Variants in TCF12 observed in about 807,000 individuals in gnomAD.
The protein encoded by TCF12 is DNA-binding protein HTF4.
A neutral mutation model predicts 86.0 loss-of-function variants in TCF12; 45 were observed. That is an observed-to-expected ratio of 0.52 (90% CI 0.41 to 0.67). The LOEUF (loss-of-function observed/expected upper bound fraction) is 0.67. Ranked by LOEUF, TCF12 falls within the 30% of genes least tolerant of loss-of-function variation. The pLI is 0.00. For missense variants in TCF12, 881 were observed against 859.9 expected (o/e 1.02, Z -0.31); for synonymous variants, 330 against 299.6 (o/e 1.10, Z -1.05).
chr15:57,096,755 T>C (rs568783785), intron 5 of TCF12, among the ~76,000 whole-genome samples: 1 of 152,328 alleles, frequency 6.6e-6, no homozygotes, highest in East Asian at 1.9e-4. Flanking sequence ...GGTTGATTGA[T>C]TTCACAGATG....
chr15:56,976,224 C>CTTTTTTTT (rs35959497), intron 3 of TCF12, among the ~76,000 whole-genome samples: 7 of 57,376 alleles, frequency 1.2e-4, no homozygotes, highest in East Asian at 5.9e-4. Flanking sequence ...AAGGAAGTTT[C>CTTTTTTTT]TTTTTTTTTT....
intron 3 of TCF12, among the ~76,000 whole-genome samples, chr15:56,976,755 T>A (rs2062627433): frequency 6.6e-6 from 1 of 152,028 alleles, no homozygotes; most frequent in South Asian, 2.1e-4. Context: ...TAAATTCACC[T>A]AGTAACTTAA....
At chr15:57,159,868 C>T (rs1428023135) in intron 5 of TCF12, among the ~76,000 whole-genome samples, 1 of 152,146 alleles carries the variant, frequency 6.6e-6, no homozygotes. Flanking sequence ...GTTGTGAAGG[C>T]AACAATTGTT....
chr15:57,042,478 G>A (rs1465030998), intron 3 of TCF12, among the ~76,000 whole-genome samples: 4 of 152,200 alleles, frequency 2.6e-5, no homozygotes, highest in African/African-American at 9.7e-5. Context: ...GTGTGCCACA[G>A]TCATTGCTCA....
At chr15:57,122,075 T>G (rs190649139) in intron 5 of TCF12, among the ~76,000 whole-genome samples, 3,825 of 128,450 alleles carry the variant, frequency 0.03, 232 homozygotes, top group East Asian at 0.27. Context: ...TTTTCCTGCT[T>G]CTTATCTCCT....
intron 3 of TCF12, among the ~76,000 whole-genome samples, chr15:56,975,624 A>G (rs2140813218): frequency 6.7e-6 from 1 of 149,074 alleles, no homozygotes; most frequent in Middle Eastern, 3.4e-3. Flanking sequence ...ATATGCTAAA[A>G]ACTAGGGGTT....
At chr15:57,252,702 T>C (rs779775401) in intron 15 of TCF12, among the ~76,000 whole-genome samples, 2 of 152,212 alleles carry the variant, frequency 1.3e-5, no homozygotes, top group African/African-American at 2.4e-5. Context: ...CATGTGCTTT[T>C]GATTTTTTTA....
At chr15:57,131,780 T>C (rs1182058044) in intron 5 of TCF12, among the ~76,000 whole-genome samples, 2 of 152,180 alleles carry the variant, frequency 1.3e-5, no homozygotes, top group African/African-American at 4.8e-5. Flanking sequence ...GTTCTACAGA[T>C]TAATAAATTG....
At chr15:57,252,531 A>G (rs750369571) in intron 15 of TCF12, 39 bp downstream of exon 15, 18 of 1,522,652 alleles carry the variant, frequency 1.2e-5, no homozygotes, top group East Asian at 2.3e-5. Flanking sequence ...TTGTGTTTCA[A>G]TTAATTATAC....
At chr15:57,077,783 A>C (rs542937500) in intron 4 of TCF12, among the ~76,000 whole-genome samples, 6 of 152,032 alleles carry the variant, frequency 3.9e-5, no homozygotes, top group Non-Finnish European at 8.8e-5. Context: ...TTTCTTAAGA[A>C]TTTGTTATGC....
At chr15:56,988,278 G>C (rs1164952612) in intron 3 of TCF12, among the ~76,000 whole-genome samples, 4 of 152,012 alleles carry the variant, frequency 2.6e-5, no homozygotes, top group Admixed American at 1.3e-4. Flanking sequence ...AAACCTAGGG[G>C]GTATATAGCC....
At chr15:57,150,365 C>T (rs2053652047) in intron 5 of TCF12, among the ~76,000 whole-genome samples, 1 of 152,104 alleles carries the variant, frequency 6.6e-6, no homozygotes, top group South Asian at 2.1e-4. Context: ...GTGGAAAGAT[C>T]TCATAATTAA....
intron 5 of TCF12, among the ~76,000 whole-genome samples, chr15:57,101,337 T>C (rs906149404): frequency 4.6e-5 from 7 of 152,112 alleles, no homozygotes; most frequent in African/African-American, 1.4e-4. Flanking sequence ...CCCAAGTAGC[T>C]AGGACTACAG....
intron 5 of TCF12, among the ~76,000 whole-genome samples, chr15:57,165,165 C>CGT (rs2054794566): frequency 1.2e-5 from 1 of 82,502 alleles, no homozygotes; most frequent in Non-Finnish European, 2.8e-5. Context: ...TGTGTGTGTG[C>CGT]GTACACGAGA....
At chr15:57,266,704 A>AT (rs562279681) in intron 18 of TCF12, among the ~76,000 whole-genome samples, 15 of 152,210 alleles carry the variant, frequency 9.9e-5, no homozygotes, top group African/African-American at 3.4e-4. Context: ...TGATTTCTGG[A>AT]TTTTTCCTTC....
chr15:57,035,597 G>A (rs549646257), intron 3 of TCF12, among the ~76,000 whole-genome samples: 23 of 152,254 alleles, frequency 1.5e-4, no homozygotes, highest in African/African-American at 5.1e-4. Flanking sequence ...TCAAATAAGA[G>A]CATGAAAAGT....
At chr15:57,126,459 A>G (rs1214882876) in intron 5 of TCF12, among the ~76,000 whole-genome samples, 7 of 152,220 alleles carry the variant, frequency 4.6e-5, no homozygotes, top group Admixed American at 3.9e-4. Context: ...CCTCTCCAGT[A>G]TAACATGCTC....
At chr15:57,156,130 C>A (rs2054094337) in intron 5 of TCF12, among the ~76,000 whole-genome samples, 1 of 152,206 alleles carries the variant, frequency 6.6e-6, no homozygotes. Context: ...CAAGTGTTTA[C>A]ACTTTGGTTT....
At chr15:57,209,379 A>G (rs531215091) in intron 8 of TCF12, among the ~76,000 whole-genome samples, 4 of 152,206 alleles carry the variant, frequency 2.6e-5, no homozygotes, top group African/African-American at 9.7e-5. Flanking sequence ...TTAATTCTAC[A>G]TTGTTTTAGG....
Sources: gnomAD v4.1 joint callset for allele counts (sites outside exome capture counted in the v4.1 genomes callset) on GRCh38, gnomAD v4.1.1 for gene constraint, MANE v1.5 for transcripts, NCBI Gene and HGNC (gene_info 2026-07-23, HGNC 2026-07-21) for gene names.